LHPP: variants seen among roughly 807,000 people sequenced by gnomAD.
LHPP encodes the protein hLHPP.
In LHPP, 24 loss-of-function variants were observed where a neutral mutation model predicts 30.3. That is an observed-to-expected ratio of 0.79 (90% CI 0.57 to 1.11). The LOEUF (loss-of-function observed/expected upper bound fraction) is 1.11. Ranked by LOEUF, LHPP falls within the 50% of genes most tolerant of loss-of-function variation. LHPP has a pLI of 0.00. For missense variants in LHPP, 356 were observed against 367.2 expected (o/e 0.97, Z 0.25); for synonymous variants, 150 against 157.1 (o/e 0.95, Z 0.34).
At chr10:124,551,418 C>A (rs1168313726) in intron 6 of LHPP, among the ~76,000 whole-genome samples, 1 of 152,210 alleles carries the variant, frequency 6.6e-6, no homozygotes, top group East Asian at 1.9e-4. Context: ...CTTCCCCAGG[C>A]TCTGGTGGAC....
rs1245734810 is a variant in LHPP at position 124,576,930 on chromosome 10, T to C, written c.717-36334T>C. On this transcript the variant is annotated intron_variant, in intron 6 of 6. Coordinates refer to ENST00000368842, the MANE Select transcript of LHPP (RefSeq NM_022126.4). The surrounding 1 kb of genome is among the most constrained non-coding windows in gnomAD (Gnocchi z 4.2). ...AAGGGGACTTGGCCCGCCATGATCC[T>C]GAGTGCACAGGTACATTGCTCCGCC... 6.6e-6 allele frequency among the ~76,000 whole-genome samples: 1 copy of C among 152,200 alleles called. No homozygotes were observed. Among genetic ancestry groups the C allele is most frequent in the Non-Finnish European group, 1.5e-5 (1 of 68,040 alleles).
At chr10:124,529,813 G>GCACACACGCA (rs1554887652) in intron 6 of LHPP, among the ~76,000 whole-genome samples, 1 of 147,086 alleles carries the variant, frequency 6.8e-6, no homozygotes, top group Non-Finnish European at 1.5e-5. Context: ...ACACACACAC[G>GCACACACGCA]CACACACACA....
intron 6 of LHPP, among the ~76,000 whole-genome samples, chr10:124,588,117 C>T (rs1948829413): frequency 6.6e-6 from 1 of 152,214 alleles, no homozygotes; most frequent in South Asian, 2.1e-4. Context: ...GAAAACGTGA[C>T]CCACTGAACA....
intron 5 of LHPP, among the ~76,000 whole-genome samples, chr10:124,508,493 TC>T (rs1291479883): frequency 1.3e-5 from 2 of 152,152 alleles, no homozygotes; most frequent in African/African-American, 4.8e-5. Flanking sequence ...TGCAGGAGCT[TC>T]CGGCCCTGGC....
At chr10:124,502,716 C>G (rs1317980461) in intron 5 of LHPP, among the ~76,000 whole-genome samples, 1 of 143,400 alleles carries the variant, frequency 7.0e-6, no homozygotes, top group Non-Finnish European at 1.5e-5. Flanking sequence ...TCCTGTCACC[C>G]AGGCTGGAGT....
chr10:124,497,024 G>T lies in LHPP; in HGVS notation c.531G>T (p.Glu177Asp). Residue 177 changes from glutamate to aspartate, a missense_variant and splice_region_variant, in exon 4 of 7, where the codon GAG becomes GAT. Physicochemically the swap from Glu to Asp is conservative, Grantham distance 45. Coordinates refer to ENST00000368842, the MANE Select transcript of LHPP (RefSeq NM_022126.4). Reference protein sequence around the residue: ...LDVGPYMKALEYACGIKAEVV... With the variant: ...LDVGPYMKALDYACGIKAEVV... Reference sequence around the variant, plus strand: ...TTGGTCCCTACATGAAGGCGCTTGAGGTACCAGCCCTGGTTCTGTCCCAAA... The same window carrying T: ...TTGGTCCCTACATGAAGGCGCTTGATGTACCAGCCCTGGTTCTGTCCCAAA... 6.2e-7 allele frequency: 1 copy of T among 1,613,602 alleles called. No homozygotes were observed. Among genetic ancestry groups the T allele is most frequent in the Non-Finnish European group, 8.5e-7 (1 of 1,179,534 alleles).
chr10:124,496,251 T>C lies in LHPP; in HGVS notation c.468-710T>C, dbSNP rs1024244225. On this transcript the variant is annotated intron_variant, in intron 3 of 6. Coordinates refer to ENST00000368842, the MANE Select transcript of LHPP (RefSeq NM_022126.4). The surrounding 1 kb of genome is among the most constrained non-coding windows in gnomAD (Gnocchi z 4.3). ...GGTCTGGCCCACCATGTGTCTGGAC[T>C]GTGAGTGCCTTGAGGCTCAGTGTGA... Among the ~76,000 whole-genome samples, 1 of 152,212 alleles carries C rather than the reference T, an allele frequency of 6.6e-6. No individual in the cohort carries two copies. The highest frequency in any genetic ancestry group is 2.4e-5 in the African/African-American group (1 of 41,460).
At chr10:124,509,640 T>C (rs884039) in intron 5 of LHPP, among the ~76,000 whole-genome samples, 68,076 of 151,192 alleles carry the variant, frequency 0.45, 16,212 homozygotes, top group African/African-American at 0.6. Flanking sequence ...CAGTGGCAAT[T>C]ACTCAGCATT....
chr10:124,487,319 G>A lies in LHPP; in HGVS notation c.314-1103G>A, dbSNP rs144136999. Reference sequence around the variant, plus strand: ...TCAGAGGGATTGCAATATTTTACACGTCCTCCATCTGCTGCAGCTGTTCAG... The same window carrying A: ...TCAGAGGGATTGCAATATTTTACACATCCTCCATCTGCTGCAGCTGTTCAG... On this transcript the variant is annotated intron_variant, in intron 2 of 6. Transcript: ENST00000368842. 3.3e-3 allele frequency among the ~76,000 whole-genome samples: 497 copies of A among 152,162 alleles called. 1 individual carries two copies. The highest frequency in any genetic ancestry group is 0.014 in the South Asian group (69 of 4,826).
intron 1 of LHPP, among the ~76,000 whole-genome samples, chr10:124,474,073 C>G (rs1443610965): frequency 6.7e-6 from 1 of 149,662 alleles, no homozygotes; most frequent in Non-Finnish European, 1.5e-5. Context: ...TATCTAGGAG[C>G]TAAAGGAGCA....
chr10:124,509,963 A>T (rs1344251998), intron 5 of LHPP, among the ~76,000 whole-genome samples: 1 of 152,166 alleles, frequency 6.6e-6, no homozygotes, highest in African/African-American at 2.4e-5. Flanking sequence ...GACACTGAAG[A>T]GGAGACCAGG....
chr10:124,573,941 TG>T (rs149053786), intron 6 of LHPP, among the ~76,000 whole-genome samples: 2,726 of 152,174 alleles, frequency 0.018, 71 homozygotes, highest in African/African-American at 0.06. Context: ...GTCTGAGACC[TG>T]GGAATCAAAA....
At chr10:124,504,439 C>CAAAAAA (rs36071785) in intron 5 of LHPP, among the ~76,000 whole-genome samples, 1 of 128,836 alleles carries the variant, frequency 7.8e-6, no homozygotes, top group Non-Finnish European at 1.6e-5. Context: ...AGAAAAAATG[C>CAAAAAA]AAAAAAAAAA....
intron 6 of LHPP, among the ~76,000 whole-genome samples, chr10:124,586,210 C>T (rs1784591217): frequency 6.6e-6 from 1 of 152,170 alleles, no homozygotes; most frequent in Admixed American, 6.5e-5. Flanking sequence ...CCCACACCCA[C>T]CCTAGCAGCT....
intron 2 of LHPP, among the ~76,000 whole-genome samples, chr10:124,485,604 GT>G (rs5788665): frequency 7.4e-5 from 11 of 149,610 alleles, no homozygotes; most frequent in African/African-American, 2.5e-4. Flanking sequence ...AATAGTTTTG[GT>G]TTTTTTTTTG....
At position 124,471,064 on chromosome 10, in the gene LHPP, G is replaced by C. The variant is rs116983725; in HGVS notation, c.125+9077G>C. On this transcript the variant is annotated intron_variant, in intron 1 of 6. Transcript: ENST00000368842. Reference sequence around the variant, plus strand: ...ATTCTCACCAGCCTGTGAATATACAGAGTGAAAAGTCCAAGTCCTCCATCC... The same window carrying C: ...ATTCTCACCAGCCTGTGAATATACACAGTGAAAAGTCCAAGTCCTCCATCC... Among the ~76,000 whole-genome samples, 43 of 152,204 alleles carry C rather than the reference G, an allele frequency of 2.8e-4. No individual in the cohort carries two copies. The East Asian group carries it at 7.7e-3, about 27-fold the overall frequency.
intron 1 of LHPP, among the ~76,000 whole-genome samples, chr10:124,469,171 G>A (rs1340918146): frequency 1.3e-5 from 2 of 152,148 alleles, no homozygotes; most frequent in Non-Finnish European, 2.9e-5. Flanking sequence ...ACCAGCCGCC[G>A]CAGAGGGAAA....
At chr10:124,502,391 G>A (rs1402831762) in intron 5 of LHPP, among the ~76,000 whole-genome samples, 1 of 150,354 alleles carries the variant, frequency 6.7e-6, no homozygotes, top group Non-Finnish European at 1.5e-5. Flanking sequence ...TTGAGACGGA[G>A]TCTCGCTGTG....
chr10:124,581,110 CT>C (rs1948737632), intron 6 of LHPP, among the ~76,000 whole-genome samples: 1 of 152,180 alleles, frequency 6.6e-6, no homozygotes, highest in South Asian at 2.1e-4. Context: ...TGCTTTCTGC[CT>C]TTGTGGGTTT....
Sources: allele counts gnomAD v4.1 joint callset (sites outside exome capture counted in the v4.1 genomes callset), GRCh38; gene constraint gnomAD v4.1.1; non-coding constraint Gnocchi (gnomAD v3.1); transcripts MANE v1.5; gene names NCBI Gene and HGNC (gene_info 2026-07-23, HGNC 2026-07-21).